Variants in COPZ2 observed in about 807,000 individuals in gnomAD.
The protein encoded by COPZ2 is coat protein complex I subunit zeta 2, also known as coatomer subunit zeta-2.
Under a neutral mutation model 33.2 loss-of-function variants are expected in COPZ2, and 30 were observed. The observed-to-expected ratio is 0.90, with a 90% CI of 0.68 to 1.23. The LOEUF (loss-of-function observed/expected upper bound fraction) is 1.23, where lower values mean the gene tolerates loss of function less well. Ranked by LOEUF, COPZ2 falls within the 50% of genes most tolerant of loss-of-function variation. The pLI, the probability that COPZ2 is intolerant of heterozygous loss-of-function variation, is 0.00. For synonymous variants in COPZ2, 89 were observed against 102.6 expected (o/e 0.87, Z 0.80); for missense variants, 263 against 262.4 (o/e 1.00, Z -0.02).
upstream of COPZ2, among the ~76,000 whole-genome samples, chr17:48,038,790 C>A (rs1230489043): frequency 6.6e-6 from 1 of 152,202 alleles, no homozygotes; most frequent in Non-Finnish European, 1.5e-5. Flanking sequence ...TAGATGGTTA[C>A]AGAATGGGGT....
intron 6 of COPZ2, among the ~76,000 whole-genome samples, chr17:48,030,735 A>G (rs1371795025): frequency 6.6e-6 from 1 of 152,204 alleles, no homozygotes; most frequent in Non-Finnish European, 1.5e-5. Flanking sequence ...CAGGAAACTG[A>G]GTTCCTCAGA....
the COPZ2 span, chr17:48,047,938 G>C: frequency 1.3e-5 from 2 of 152,402 alleles, no homozygotes; most frequent in Non-Finnish European, 2.9e-5. Context: ...AGGGTGTTCC[G>C]CACTCTGGCG....
chr17:48,042,287 C>A (rs924588115), upstream of COPZ2, among the ~76,000 whole-genome samples: 2 of 151,950 alleles, frequency 1.3e-5, no homozygotes, highest in Admixed American at 6.6e-5. Context: ...GTATGCGCCA[C>A]CACACCCAGC....
Position 48,037,058 on chromosome 17 carries a change from G to T in COPZ2, c.112-133C>A. ...GTCCTCAAGGTCCACAGCTGGTTCT[G>T]CCCAGCCCTGTGCCACATGGGCCAA... On this transcript the variant is annotated intron_variant, in intron 1 of 8. Coordinates refer to ENST00000621465, the MANE Select transcript of COPZ2 (RefSeq NM_016429.4). The surrounding 1 kb of genome is among the most constrained non-coding windows in gnomAD (Gnocchi z 5.6). 1 of 859,722 alleles carries T rather than the reference G, an allele frequency of 1.2e-6. No individual in the cohort carries two copies. Among genetic ancestry groups the T allele is most frequent in the Non-Finnish European group, 2.0e-6 (1 of 503,028 alleles). The allele number at this position is 859,722 out of a possible 1,614,324, so 53.3% of individuals were successfully genotyped here.
At chr17:48,027,966 CAG>C (rs1171172992) in intron 8 of COPZ2, among the ~76,000 whole-genome samples, 1 of 152,206 alleles carries the variant, frequency 6.6e-6, no homozygotes, top group Non-Finnish European at 1.5e-5. Flanking sequence ...CCAGGTCACT[CAG>C]GGGTAAGGTG....
Position 48,028,499 on chromosome 17 carries a change from G to A in COPZ2, c.558C>T (p.Gly186=), listed in dbSNP as rs368840240. 1.2e-5 allele frequency: 20 copies of A among 1,608,034 alleles called. No individual in the cohort carries two copies. The highest frequency in any genetic ancestry group is 8.0e-5 in the African/African-American group (6 of 74,950). ...IQKVNFRADD[G]GLTEQSVAQV... is the part of the protein sequence containing the mutation. ...GGGCCACACTCTGTTCAGTCAAGCCGCCATCATCTGCCTGTAAGGAAGCAG... is the reference window on the plus strand; with the variant it reads ...GGGCCACACTCTGTTCAGTCAAGCCACCATCATCTGCCTGTAAGGAAGCAG... Residue 186 remains glycine (G), a synonymous_variant, in exon 8 of 9, where the codon GGC becomes GGT. Coordinates refer to ENST00000621465, the MANE Select transcript of COPZ2 (RefSeq NM_016429.4). The surrounding 1 kb of genome is among the most constrained non-coding windows in gnomAD (Gnocchi z 4.5).
chr17:48,043,463 T>C, the COPZ2 span: 4 of 933,824 alleles, frequency 4.3e-6, no homozygotes, highest in Non-Finnish European at 5.1e-6. Context: ...TCCTGCTTAA[T>C]GTCAAGAGGG....
At chr17:48,047,172 G>A in the COPZ2 span, 1 of 152,196 alleles carries the variant, frequency 6.6e-6, no homozygotes, top group Non-Finnish European at 1.5e-5. Flanking sequence ...GTTATCAGTT[G>A]GCCTTGTCCT....
Position 48,029,183 on chromosome 17 carries a change from G to A in COPZ2, c.495-7C>T. 4 of 1,570,152 alleles carry A rather than the reference G, an allele frequency of 2.5e-6. No homozygotes were observed. Among genetic ancestry groups the A allele is most frequent in the Non-Finnish European group, 3.5e-6 (4 of 1,157,388 alleles). ...GTCACTCTCCAGAATCACACTACAA[G>A]ATGAGAGGAAAAACCAGGAGGCAAA... On this transcript the variant is annotated splice_region_variant and splice_polypyrimidine_tract_variant and intron_variant, in intron 6 of 8. Transcript: ENST00000621465.
chr17:48,039,380 G>A (rs559479813), upstream of COPZ2, among the ~76,000 whole-genome samples: 30 of 151,570 alleles, frequency 2.0e-4, no homozygotes, highest in African/African-American at 7.3e-4. Flanking sequence ...GCTGAGGTGG[G>A]AGAATCACCC....
Position 48,033,256 on chromosome 17 carries a change from G to A in COPZ2, c.315C>T (p.Ser105=). 3 of 1,613,390 alleles carry A rather than the reference G, an allele frequency of 1.9e-6. No homozygotes were observed. Among genetic ancestry groups the A allele is most frequent in the Admixed American group, 1.7e-5 (1 of 59,964 alleles). Residue 105 remains serine, a synonymous_variant, in exon 4 of 9, where the codon AGC becomes AGT. Coordinates refer to ENST00000621465, the MANE Select transcript of COPZ2 (RefSeq NM_016429.4). The part of the protein sequence containing the change: ...FGGMTIVYKN[S]IDLFLYVVGS... The stretch of plus-strand genomic sequence containing the variant: ...CCACCACGTATAGGAAGAGGTCAAT[G>A]CTGTTCTTGTAGACGATGGTCATAC...
chr17:48,033,410 G>A, intron 3 of COPZ2, 108 bp from the exon 4 acceptor site: 1 of 714,898 alleles, frequency 1.4e-6, no homozygotes, highest in South Asian at 1.6e-5. Context: ...TCCCCTTTCT[G>A]GAGAACCCTT....
upstream of COPZ2, among the ~76,000 whole-genome samples, chr17:48,041,334 T>G (rs908366896): frequency 3.9e-5 from 6 of 152,108 alleles, no homozygotes; most frequent in Non-Finnish European, 7.4e-5. Context: ...GTGCAAGATA[T>G]AATACACAAA....
At chr17:48,033,510 A>C (rs1251005764) in intron 3 of COPZ2, among the ~76,000 whole-genome samples, 1 of 152,184 alleles carries the variant, frequency 6.6e-6, no homozygotes, top group Non-Finnish European at 1.5e-5. Context: ...GCCTCAGGCC[A>C]AGGAGTCAAC....
Position 48,028,362 on chromosome 17 carries a change from ATTT to A in COPZ2, c.585+107_585+109del, listed in dbSNP as rs980488575. On this transcript the variant is annotated intron_variant, in intron 8 of 8. Transcript: ENST00000621465. This position sits in a 1 kb window ranked among gnomAD's most constrained non-coding sequence, Gnocchi z 4.5. ...CTCATCCCTTCCCTTCTCACCCCTGATTTTTCAGACTTGATAACTTCACTGGGT... is the reference window on the plus strand; with the variant it reads ...CTCATCCCTTCCCTTCTCACCCCTGATTCAGACTTGATAACTTCACTGGGT... The A allele has an allele frequency of 1.2e-5, 14 of 1,160,600 alleles. No individual in the cohort carries two copies. The highest frequency in any genetic ancestry group is 1.4e-5 in the Non-Finnish European group (12 of 830,344). The allele number at this position is 1,160,600 out of a possible 1,614,324, so 71.9% of individuals were successfully genotyped here.
At chr17:48,031,820 C>T in intron 6 of COPZ2, 1 of 361,970 alleles carries the variant, frequency 2.8e-6, no homozygotes, top group Non-Finnish European at 5.2e-6. Flanking sequence ...GTCTGAAGTC[C>T]TTCCAGAGAG....
upstream of COPZ2, among the ~76,000 whole-genome samples, chr17:48,040,564 T>C (rs61117512): frequency 6.6e-6 from 1 of 151,328 alleles, no homozygotes. Flanking sequence ...TCCCGAGTAG[T>C]TGGGACTACA....
rs554066716 is a variant in COPZ2, at chr17:48,035,584, T to TTTTTG, written c.186+1262_186+1266dup. Among the ~76,000 whole-genome samples, 17 of 151,866 alleles carry TTTTTG rather than the reference T, an allele frequency of 1.1e-4. No individual in the cohort carries two copies. In the South Asian group the frequency reaches 2.7e-3, roughly 24 times the overall value. On this transcript the variant is annotated intron_variant, in intron 2 of 8. Transcript: ENST00000621465. The stretch of plus-strand genomic sequence containing the variant: ...CTAATTTTCGTTTTTTTGTTTTTTG[T>TTTTTG]TTTTGTTTTGTTTTGTTTTTTGTAG...
chr17:48,042,960 A>T (rs2037075632), upstream of COPZ2, among the ~76,000 whole-genome samples: 1 of 152,206 alleles, frequency 6.6e-6, no homozygotes, highest in Admixed American at 6.5e-5. Context: ...TCACATAAAC[A>T]TGTGAGCTAT....
Sources: gnomAD v4.1 joint callset for allele counts (sites outside exome capture counted in the v4.1 genomes callset) on GRCh38, gnomAD v4.1.1 for gene constraint, Gnocchi (gnomAD v3.1) non-coding constraint, MANE v1.5 for transcripts, NCBI Gene and HGNC (gene_info 2026-07-23, HGNC 2026-07-21) for gene names.